Variants in SYNE2 observed in about 807,000 individuals in gnomAD.
SYNE2 encodes spectrin repeat containing nuclear envelope protein 2.
A neutral mutation model predicts 856.3 loss-of-function variants in SYNE2; 431 were observed. That is an observed-to-expected ratio of 0.50 (90% CI 0.47 to 0.55). The LOEUF (loss-of-function observed/expected upper bound fraction) is 0.55, where lower values mean the gene tolerates loss of function less well. Among genes scored for constraint, SYNE2 ranks in the 20% least tolerant of loss-of-function variants. SYNE2 has a pLI of 0.00. For missense variants in SYNE2, 8,129 were observed against 8,023.2 expected (o/e 1.01, Z -0.50); for synonymous variants, 2,923 against 2,872.3 (o/e 1.02, Z -0.56).
At chr14:64,090,644 G>A (rs955219400) in intron 59 of SYNE2, among the ~76,000 whole-genome samples, 7 of 152,168 alleles carry the variant, frequency 4.6e-5, no homozygotes, top group Admixed American at 1.3e-4. Flanking sequence ...GTCCAAATGC[G>A]TAATTTAGTA....
intron 1 of SYNE2, among the ~76,000 whole-genome samples, chr14:63,866,717 A>C (rs573230696): frequency 2.2e-4 from 34 of 152,156 alleles, no homozygotes; most frequent in Non-Finnish European, 4.6e-4. Flanking sequence ...GCTCATGTTG[A>C]AATCCCAGCA....
At chr14:63,762,672 A>G (rs1886534712) in intron 1 of SYNE2, among the ~76,000 whole-genome samples, 1 of 151,280 alleles carries the variant, frequency 6.6e-6, no homozygotes, top group Admixed American at 6.6e-5. Flanking sequence ...CTGGGCTCAA[A>G]CAATCCACCC....
Position 64,090,913 on chromosome 14 carries a change from A to G in SYNE2, c.11841A>G (p.Ile3947Met). The G allele has an allele frequency of 2.5e-6, 4 of 1,614,180 alleles. No individual in the cohort carries two copies. Among genetic ancestry groups the G allele is most frequent in the Non-Finnish European group, 3.4e-6 (4 of 1,180,008 alleles). The stretch of plus-strand genomic sequence containing the variant: ...CCATGAAGAAAACCATTGCTGAGAT[A>G]GTGTCTTACCAAGTGGAACTGAGGT... ...IRPMKKTIAE[I>M]VSYQVELRLP... The change falls in exon 60 of 116, where the codon ATA becomes ATG. Residue 3947 changes from isoleucine to methionine, a missense_variant. Transcript: ENST00000555002.
At chr14:63,918,283 C>T (rs1197662254) in intron 2 of SYNE2, among the ~76,000 whole-genome samples, 1 of 152,166 alleles carries the variant, frequency 6.6e-6, no homozygotes, top group Non-Finnish European at 1.5e-5. Context: ...AATTGGAGGT[C>T]ATTCTAAATG....
At chr14:63,828,573 A>G (rs1408754864) in intron 1 of SYNE2, among the ~76,000 whole-genome samples, 1 of 152,062 alleles carries the variant, frequency 6.6e-6, no homozygotes, top group Non-Finnish European at 1.5e-5. Context: ...CAGGAGTTCA[A>G]GATCAGCCTG....
chr14:64,078,458 T>G lies in SYNE2; in HGVS notation c.11023-8T>G, dbSNP rs1203968688. The G allele has an allele frequency of 1.2e-6, 2 of 1,613,774 alleles. No individual in the cohort carries two copies. The highest frequency in any genetic ancestry group is 1.7e-6 in the Non-Finnish European group (2 of 1,179,820). On this transcript the variant is annotated splice_polypyrimidine_tract_variant and splice_region_variant and intron_variant, in intron 54 of 115. Transcript: ENST00000555002. Reference sequence around the variant, plus strand: ...TCTAAGCCAAATGCGTCTTTGTCTCTTTCACAGATTAGCAATGAAGTCTTA... The same window carrying G: ...TCTAAGCCAAATGCGTCTTTGTCTCGTTCACAGATTAGCAATGAAGTCTTA...
chr14:64,128,042 T>C (rs7160065), intron 73 of SYNE2, among the ~76,000 whole-genome samples: 10,066 of 152,244 alleles, frequency 0.066, 1,071 homozygotes, highest in African/African-American at 0.23. Context: ...AGAAAAATTA[T>C]AGGCAATTAG....
At chr14:63,936,579 G>A (rs1290847125) in intron 2 of SYNE2, among the ~76,000 whole-genome samples, 1 of 152,160 alleles carries the variant, frequency 6.6e-6, no homozygotes, top group Non-Finnish European at 1.5e-5. Flanking sequence ...GTGGGAATGG[G>A]CCTGGGGAGT....
chr14:63,923,355 C>G (rs977850498), intron 2 of SYNE2, among the ~76,000 whole-genome samples: 3 of 152,196 alleles, frequency 2.0e-5, no homozygotes, highest in Non-Finnish European at 4.4e-5. Context: ...TGTGGCAACA[C>G]GAGGTTGCTG....
chr14:63,957,486 C>G (rs534257409), intron 8 of SYNE2, among the ~76,000 whole-genome samples: 1 of 151,562 alleles, frequency 6.6e-6, no homozygotes, highest in East Asian at 2.0e-4. Flanking sequence ...CCAGGCTGGT[C>G]TTGAACTCCT....
At chr14:63,922,707 C>T (rs1226079749) in intron 2 of SYNE2, among the ~76,000 whole-genome samples, 1 of 151,938 alleles carries the variant, frequency 6.6e-6, no homozygotes, top group Non-Finnish European at 1.5e-5. Context: ...TATTTTTTGC[C>T]AGGCCCTTCT....
intron 111 of SYNE2, 68 bp downstream of exon 111, chr14:64,220,705 T>C (rs1279053065): frequency 1.3e-6 from 2 of 1,553,978 alleles, no homozygotes; most frequent in Non-Finnish European, 1.8e-6. Flanking sequence ...GCAGCAGATA[T>C]TTTTATCATC....
At chr14:64,098,606 C>T (rs1195132088) in intron 62 of SYNE2, 141 bp from the exon 63 acceptor site, 5 of 820,884 alleles carry the variant, frequency 6.1e-6, no homozygotes, top group East Asian at 2.7e-5. Flanking sequence ...CTGAACGGAC[C>T]AGGAGACAGG....
At chr14:64,206,972 T>A (rs2140090645) in intron 100 of SYNE2, among the ~76,000 whole-genome samples, 1 of 152,312 alleles carries the variant, frequency 6.6e-6, no homozygotes, top group Admixed American at 6.5e-5. Context: ...GAATTTTATT[T>A]AGATGTAATA....
chr14:63,985,437 A>T (rs2096618279), intron 18 of SYNE2, among the ~76,000 whole-genome samples: 1 of 152,120 alleles, frequency 6.6e-6, no homozygotes, highest in Non-Finnish European at 1.5e-5. Flanking sequence ...GTAAAGCTAT[A>T]GTATGTCAAC....
At chr14:63,960,588 TAATA>T in intron 8 of SYNE2, 4 of 574,432 alleles carry the variant, frequency 7.0e-6, no homozygotes, top group South Asian at 2.2e-5. Context: ...TTAACTTAAT[TAATA>T]AATAAACAGT....
At chr14:63,842,523 T>C (rs2009390) in intron 1 of SYNE2, among the ~76,000 whole-genome samples, 87,569 of 151,086 alleles carry the variant, frequency 0.58, 25,947 homozygotes, top group South Asian at 0.69. Flanking sequence ...CACAATGATG[T>C]GATCTCAGCT....
intron 104 of SYNE2, 22 bp from the exon 105 acceptor site, chr14:64,212,789 T>C (rs1280148645): frequency 6.2e-7 from 1 of 1,613,118 alleles, no homozygotes; most frequent in Non-Finnish European, 8.5e-7. Flanking sequence ...TTTGAAATCC[T>C]TTCTTTCTCC....
At chr14:64,209,109 T>A in intron 101 of SYNE2, 164 bp downstream of exon 101, 2 of 997,122 alleles carry the variant, frequency 2.0e-6, no homozygotes, top group Non-Finnish European at 1.5e-6. Flanking sequence ...AAGAAAAATG[T>A]AACCGGAGTA....
Sources: allele counts gnomAD v4.1 joint callset (sites outside exome capture counted in the v4.1 genomes callset), GRCh38; gene constraint gnomAD v4.1.1; transcripts MANE v1.5; gene names NCBI Gene and HGNC (gene_info 2026-07-23, HGNC 2026-07-21).